Variants in RNF180 observed in about 807,000 individuals in gnomAD.
RNF180 encodes the protein ring finger protein 180, also known as E3 ubiquitin-protein ligase RNF180.
A neutral mutation model predicts 59.2 loss-of-function variants in RNF180; 38 were observed. That is an observed-to-expected ratio of 0.64 (90% CI 0.50 to 0.84). The LOEUF (loss-of-function observed/expected upper bound fraction) is 0.84. Among genes scored for constraint, RNF180 ranks in the 40% least tolerant of loss-of-function variants. The pLI is 0.00. For synonymous variants in RNF180, 262 were observed against 240.3 expected (o/e 1.09, Z -0.84); for missense variants, 705 against 700.9 (o/e 1.01, Z -0.07).
chr5:64,273,934 T>A (rs1191505635), intron 5 of RNF180, among the ~76,000 whole-genome samples: 1 of 151,950 alleles, frequency 6.6e-6, no homozygotes, highest in Non-Finnish European at 1.5e-5. Flanking sequence ...TTGGAATTGT[T>A]CCCACAGATT....
intron 7 of RNF180, among the ~76,000 whole-genome samples, chr5:64,343,795 G>A (rs1745450343): frequency 6.6e-6 from 1 of 151,260 alleles, no homozygotes; most frequent in Non-Finnish European, 1.5e-5. Context: ...AAATGAAGGT[G>A]AAATAAAGAC....
chr5:64,281,486 G>T (rs1041622423), intron 5 of RNF180, among the ~76,000 whole-genome samples: 3 of 151,966 alleles, frequency 2.0e-5, no homozygotes, highest in African/African-American at 7.2e-5. Flanking sequence ...TCAGTGCCTA[G>T]TTGCCTAGTT....
chr5:64,214,125 T>C lies in RNF180; in HGVS notation c.799T>C (p.Ser267Pro), dbSNP rs774876850. 12 of 1,614,008 alleles carry C rather than the reference T, an allele frequency of 7.4e-6. 1 individual carries two copies. The South Asian group carries it at 9.9e-5, about 13-fold the overall frequency. The change falls in exon 4 of 8, where the codon TCA becomes CCA. Residue 267 changes from serine to proline, a missense_variant. Transcript: ENST00000389100. ...RLNETQPIDL[S>P]GLPLQSSKNS... is the part of the protein sequence containing the mutation. ...AAATGAAACACAGCCTATTGACCTT[T>C]CAGGCTTGCCTTTACAATCTAGTAA...
At chr5:64,299,809 G>GT (rs1268236170) in intron 5 of RNF180, among the ~76,000 whole-genome samples, 1 of 151,894 alleles carries the variant, frequency 6.6e-6, no homozygotes, top group African/African-American at 2.4e-5. Context: ...TCAGCTACCT[G>GT]TAGTCAACTG....
At chr5:64,327,126 G>C (rs1391780079) in intron 6 of RNF180, among the ~76,000 whole-genome samples, 1 of 151,936 alleles carries the variant, frequency 6.6e-6, no homozygotes, top group Non-Finnish European at 1.5e-5. Flanking sequence ...ATGGTCCTTT[G>C]TATTTGGTAT....
At chr5:64,352,754 G>C (rs1345825897) in intron 7 of RNF180, among the ~76,000 whole-genome samples, 1 of 151,916 alleles carries the variant, frequency 6.6e-6, no homozygotes, top group Non-Finnish European at 1.5e-5. Context: ...GGAATTTTTT[G>C]ATATAAAATA....
At position 64,338,272 on chromosome 5, in the gene RNF180, A is replaced by G. The variant is rs73105034; in HGVS notation, c.1579+7866A>G. Among the ~76,000 whole-genome samples, 743 of 152,290 alleles carry G rather than the reference A, an allele frequency of 4.9e-3. 10 individuals carry two copies. The highest frequency in any genetic ancestry group is 0.017 in the African/African-American group (697 of 41,564). The stretch of plus-strand genomic sequence containing the variant: ...ATGCTTTTTTCTCTTTGCACTTACC[A>G]GACTTTCTGAGCTAGGACTTCTATT... On this transcript the variant is annotated intron_variant, in intron 7 of 7. Coordinates refer to ENST00000389100, the MANE Select transcript of RNF180 (RefSeq NM_001113561.2).
At chr5:64,288,116 A>G (rs1742381572) in intron 5 of RNF180, among the ~76,000 whole-genome samples, 1 of 152,220 alleles carries the variant, frequency 6.6e-6, no homozygotes, top group Non-Finnish European at 1.5e-5. Flanking sequence ...AGTTTTCTGC[A>G]TATGGCTAGC....
chr5:64,192,929 AT>A (rs1751253113), intron 1 of RNF180, among the ~76,000 whole-genome samples: 2 of 139,520 alleles, frequency 1.4e-5, no homozygotes, highest in Admixed American at 1.4e-4. Flanking sequence ...ATATATATAT[AT>A]ATATATATAA....
chr5:64,192,903 G>GTATATA (rs70983610), intron 1 of RNF180, among the ~76,000 whole-genome samples: 4,886 of 93,120 alleles, frequency 0.052, 203 homozygotes, highest in East Asian at 0.1. Context: ...AGTGTGGCAT[G>GTATATA]TATATATATA....
At chr5:64,167,448 A>C (rs1230013492) in intron 1 of RNF180, among the ~76,000 whole-genome samples, 1 of 152,088 alleles carries the variant, frequency 6.6e-6, no homozygotes, top group Non-Finnish European at 1.5e-5. Context: ...GGTTTTTCAA[A>C]GTGAAGATTT....
At chr5:64,278,442 C>G (rs1156810363) in intron 5 of RNF180, among the ~76,000 whole-genome samples, 3 of 152,070 alleles carry the variant, frequency 2.0e-5, no homozygotes, top group Admixed American at 2.0e-4. Flanking sequence ...CTAAGTTGTA[C>G]AAATTGTGAG....
intron 5 of RNF180, among the ~76,000 whole-genome samples, chr5:64,307,609 A>ATTTTTG: frequency 6.6e-6 from 1 of 151,718 alleles, no homozygotes; most frequent in East Asian, 1.9e-4. Context: ...TCATAACTTA[A>ATTTTTG]AAATATCATA....
intron 7 of RNF180, among the ~76,000 whole-genome samples, chr5:64,363,407 G>A (rs1213141645): frequency 6.6e-6 from 1 of 151,778 alleles, no homozygotes; most frequent in Non-Finnish European, 1.5e-5. Flanking sequence ...GGTTGTAGAT[G>A]TGTGGCCTTA....
chr5:64,174,622 T>C (rs781464504), intron 1 of RNF180, among the ~76,000 whole-genome samples: 5 of 152,182 alleles, frequency 3.3e-5, no homozygotes, highest in Non-Finnish European at 7.3e-5. Context: ...TCTTTTGACA[T>C]CTATTCAGGT....
intron 2 of RNF180, among the ~76,000 whole-genome samples, chr5:64,201,490 C>A (rs1751746659): frequency 6.6e-6 from 1 of 152,100 alleles, no homozygotes; most frequent in African/African-American, 2.4e-5. Flanking sequence ...AGAGCAGTAT[C>A]AAAGAGGCAT....
intron 5 of RNF180, among the ~76,000 whole-genome samples, chr5:64,234,797 C>T (rs1249001400): frequency 6.6e-6 from 1 of 151,544 alleles, no homozygotes; most frequent in East Asian, 2.0e-4. Context: ...GACAGGGTTT[C>T]ACCGTGTTAG....
chr5:64,209,264 T>C (rs997270914), intron 2 of RNF180, among the ~76,000 whole-genome samples: 1 of 152,038 alleles, frequency 6.6e-6, no homozygotes, highest in African/African-American at 2.4e-5. Flanking sequence ...CCTACAACTG[T>C]GACTCCAGTG....
At chr5:64,350,352 G>A (rs113658357) in intron 7 of RNF180, among the ~76,000 whole-genome samples, 3,287 of 151,864 alleles carry the variant, frequency 0.022, 97 homozygotes, top group African/African-American at 0.054. Context: ...ATTTTCTCCC[G>A]TTCTGTAGGT....
Sources: allele counts gnomAD v4.1 joint callset (sites outside exome capture counted in the v4.1 genomes callset), GRCh38; gene constraint gnomAD v4.1.1; transcripts MANE v1.5; gene names NCBI Gene and HGNC (gene_info 2026-07-23, HGNC 2026-07-21).